Variants in CHCHD6 observed in about 807,000 individuals in gnomAD.
The protein encoded by CHCHD6 is coiled-coil-helix-coiled-coil-helix domain containing 6.
In CHCHD6, 28 loss-of-function variants were observed where a neutral mutation model predicts 32.3. The ratio of observed to expected loss-of-function variants is 0.87; its 90% CI spans 0.64 to 1.19. CHCHD6 has a LOEUF of 1.19. Ranked by LOEUF, CHCHD6 falls within the 50% of genes most tolerant of loss-of-function variation. The probability of loss-of-function intolerance (pLI) is 0.00; values close to 1 mark genes in which losing one functional copy is unlikely to be tolerated. For missense variants in CHCHD6, 333 were observed against 307.0 expected (o/e 1.08, Z -0.63); for synonymous variants, 122 against 117.5 (o/e 1.04, Z -0.25).
intron 4 of CHCHD6, among the ~76,000 whole-genome samples, chr3:126,836,596 C>T (rs957808832): frequency 2.0e-5 from 3 of 152,208 alleles, no homozygotes; most frequent in African/African-American, 7.2e-5. Context: ...CACAAGCATT[C>T]AGTACAATTT....
chr3:126,812,844 C>T (rs772077262), intron 4 of CHCHD6, among the ~76,000 whole-genome samples: 2 of 152,084 alleles, frequency 1.3e-5, no homozygotes, highest in African/African-American at 4.8e-5. Context: ...TGAATGTCCT[C>T]GTATATTTTG....
intron 4 of CHCHD6, among the ~76,000 whole-genome samples, chr3:126,831,192 T>A (rs945678993): frequency 6.6e-6 from 1 of 151,992 alleles, no homozygotes; most frequent in South Asian, 2.1e-4. Context: ...CCTGGCTAAT[T>A]TTTTTTGTAT....
At chr3:126,873,257 C>T (rs2077500251) in intron 5 of CHCHD6, among the ~76,000 whole-genome samples, 1 of 152,196 alleles carries the variant, frequency 6.6e-6, no homozygotes, top group Non-Finnish European at 1.5e-5. Context: ...TTTTGCGTTG[C>T]CTGAATGAGA....
intron 6 of CHCHD6, among the ~76,000 whole-genome samples, chr3:126,943,206 C>T (rs1348779326): frequency 2.0e-5 from 3 of 152,168 alleles, no homozygotes; most frequent in Non-Finnish European, 4.4e-5. Context: ...TAATGACGCC[C>T]CCCACTACCA....
At chr3:126,864,751 TACTCCTCCTCCACCATCA>T (rs1942185178) in intron 5 of CHCHD6, among the ~76,000 whole-genome samples, 1 of 134,812 alleles carries the variant, frequency 7.4e-6, no homozygotes, top group African/African-American at 2.9e-5. Context: ...CACCATCATC[TACTCCTCCTCCACCATCA>T]CCTCCTCCTC....
intron 6 of CHCHD6, among the ~76,000 whole-genome samples, chr3:126,942,355 C>T (rs2078572860): frequency 6.6e-6 from 1 of 152,198 alleles, no homozygotes; most frequent in South Asian, 2.1e-4. Context: ...CTAACTTCCA[C>T]CCATCAGCCT....
chr3:126,861,432 G>A (rs757545088), intron 5 of CHCHD6, among the ~76,000 whole-genome samples: 3 of 151,824 alleles, frequency 2.0e-5, no homozygotes, highest in Non-Finnish European at 2.9e-5. Flanking sequence ...AAATGAGATG[G>A]CTCACAGTGT....
At chr3:126,910,273 G>GAAAAAAAAAACAAC (rs1553756141) in intron 5 of CHCHD6, among the ~76,000 whole-genome samples, 4 of 111,456 alleles carry the variant, frequency 3.6e-5, no homozygotes, top group Non-Finnish European at 7.3e-5. Context: ...CCTGCCTCAG[G>GAAAAAAAAAACAAC]AAAAAAAAAA....
At chr3:126,771,163 C>T (rs377695132) in intron 4 of CHCHD6, among the ~76,000 whole-genome samples, 1 of 151,164 alleles carries the variant, frequency 6.6e-6, no homozygotes, top group East Asian at 1.9e-4. Context: ...TCTGTGGGGT[C>T]AGTGGTAATG....
chr3:126,928,564 G>A (rs1403349865), intron 6 of CHCHD6, among the ~76,000 whole-genome samples: 1 of 152,206 alleles, frequency 6.6e-6, no homozygotes, highest in African/African-American at 2.4e-5. Flanking sequence ...GTAAAGCCCT[G>A]TGAGACCTAG....
chr3:126,815,656 C>A lies in CHCHD6; in HGVS notation c.412-36991C>A, dbSNP rs868302942. 7.5e-3 allele frequency among the ~76,000 whole-genome samples: 884 copies of A among 117,426 alleles called. 10 individuals carry two copies. The highest frequency in any genetic ancestry group is 0.023 in the Middle Eastern group (5 of 216). The allele number at this position is 117,426 out of a possible 152,430, so 77.0% of individuals were successfully genotyped here. A position where few individuals can be genotyped will look rare whatever the true frequency, so the allele number is the denominator to read the frequency against. Reference sequence around the variant, plus strand: ...CTGTGGGTTCTTGCCCCCCCCCCCCCATCTGTGTCCACAGCCCTTGCTCCC... The same window carrying A: ...CTGTGGGTTCTTGCCCCCCCCCCCCAATCTGTGTCCACAGCCCTTGCTCCC... On this transcript the variant is annotated intron_variant, in intron 4 of 7. Transcript: ENST00000290913.
chr3:126,899,512 A>G (rs1256915562), intron 5 of CHCHD6, among the ~76,000 whole-genome samples: 1 of 152,106 alleles, frequency 6.6e-6, no homozygotes, highest in Non-Finnish European at 1.5e-5. Flanking sequence ...GAGTGAGATG[A>G]ACCCAATGCC....
chr3:126,837,761 C>T (rs1040028402), intron 4 of CHCHD6, among the ~76,000 whole-genome samples: 1 of 152,086 alleles, frequency 6.6e-6, no homozygotes, highest in Non-Finnish European at 1.5e-5. Context: ...TTTGCCCTGA[C>T]CAATATCTAG....
intron 4 of CHCHD6, among the ~76,000 whole-genome samples, chr3:126,835,566 C>G (rs1235968391): frequency 6.6e-6 from 1 of 152,226 alleles, no homozygotes; most frequent in African/African-American, 2.4e-5. Context: ...CACCTGGAGA[C>G]TGGGCAGTTC....
At chr3:126,935,599 CG>C in intron 6 of CHCHD6, among the ~76,000 whole-genome samples, 1 of 152,264 alleles carries the variant, frequency 6.6e-6, no homozygotes, top group African/African-American at 2.4e-5. Flanking sequence ...AGCTCAAAAC[CG>C]TGTGCGGCTT....
intron 4 of CHCHD6, among the ~76,000 whole-genome samples, chr3:126,757,034 A>G (rs547650182): frequency 2.3e-4 from 35 of 152,324 alleles, no homozygotes; most frequent in African/African-American, 8.4e-4. Context: ...AGCATAGGGA[A>G]GAAAGCCTGA....
At chr3:126,722,673 T>C (rs1935361815) in intron 1 of CHCHD6, among the ~76,000 whole-genome samples, 1 of 152,246 alleles carries the variant, frequency 6.6e-6, no homozygotes, top group African/African-American at 2.4e-5. Flanking sequence ...TATTCAATTC[T>C]GGAAGGTGTT....
chr3:126,861,268 G>C (rs1045952302), intron 5 of CHCHD6, among the ~76,000 whole-genome samples: 4 of 152,048 alleles, frequency 2.6e-5, no homozygotes, highest in African/African-American at 9.7e-5. Flanking sequence ...TGAGGATAGT[G>C]GTTAAGGTCA....
At chr3:126,767,032 A>C in intron 4 of CHCHD6, 1 of 901,130 alleles carries the variant, frequency 1.1e-6, no homozygotes. Context: ...GATCTGCCTC[A>C]ATGAAGATGG....
Sources: allele counts gnomAD v4.1 joint callset (sites outside exome capture counted in the v4.1 genomes callset), GRCh38; gene constraint gnomAD v4.1.1; transcripts MANE v1.5; gene names NCBI Gene and HGNC (gene_info 2026-07-23, HGNC 2026-07-21).